Variants in NCKAP5 observed in about 807,000 individuals in gnomAD.
NCKAP5 encodes the protein nck-associated protein 5.
In NCKAP5, 92 loss-of-function variants were observed where a neutral mutation model predicts 167.0. That is an observed-to-expected ratio of 0.55 (90% CI 0.47 to 0.66). The LOEUF is 0.66. Ranked by LOEUF, NCKAP5 falls within the 30% of genes least tolerant of loss-of-function variation. The pLI is 0.00. For synonymous variants in NCKAP5, 891 were observed against 877.4 expected, an observed-to-expected ratio of 1.02 and a Z score of -0.27; for missense variants, 2,378 against 2,315.0, an observed-to-expected ratio of 1.03 and a Z score of -0.56.
At chr2:132,947,380 A>G (rs537306240) in intron 8 of NCKAP5, among the ~76,000 whole-genome samples, 6 of 152,318 alleles carry the variant, frequency 3.9e-5, no homozygotes, top group South Asian at 2.1e-4. Flanking sequence ...GAAACTAGCA[A>G]TAAAGTAAAA....
intron 2 of NCKAP5, among the ~76,000 whole-genome samples, chr2:133,541,351 C>G (rs1260155018): frequency 6.6e-6 from 1 of 151,926 alleles, no homozygotes; most frequent in Non-Finnish European, 1.5e-5. Flanking sequence ...AAGTTGGGAA[C>G]TACATAAATG....
chr2:133,022,735 C>T lies in NCKAP5; in HGVS notation c.342-28496G>A, dbSNP rs956128429. On this transcript the variant is annotated intron_variant, in intron 6 of 19. Coordinates refer to ENST00000409261, the MANE Select transcript of NCKAP5 (RefSeq NM_207363.3). ...AGATCTCACTGGGTTTGGGGATATT[C>T]ACTTTTCCTTCCTTTGATGCCCTAT... 2.6e-5 allele frequency among the ~76,000 whole-genome samples: 4 copies of T among 152,182 alleles called. No homozygotes were observed. The East Asian group carries it at 7.7e-4, about 29-fold the overall frequency.
chr2:133,048,011 G>A (rs2079461543), intron 6 of NCKAP5, among the ~76,000 whole-genome samples: 1 of 152,172 alleles, frequency 6.6e-6, no homozygotes, highest in African/African-American at 2.4e-5. Flanking sequence ...TAAAACTGAG[G>A]TCTTAGAATC....
At chr2:133,228,115 C>A (rs2150235605) in intron 4 of NCKAP5, among the ~76,000 whole-genome samples, 1 of 152,216 alleles carries the variant, frequency 6.6e-6, no homozygotes, top group Admixed American at 6.5e-5. Context: ...CTGAAGTGAC[C>A]AGCTTTGACC....
intron 2 of NCKAP5, among the ~76,000 whole-genome samples, chr2:133,525,864 C>A (rs1684828076): frequency 6.6e-6 from 1 of 152,086 alleles, no homozygotes; most frequent in African/African-American, 2.4e-5. Context: ...CATTCTCCAA[C>A]TGCCACTTAC....
the NCKAP5 span, among the ~76,000 whole-genome samples, chr2:133,643,372 A>G: frequency 1.3e-5 from 2 of 152,100 alleles, no homozygotes; most frequent in East Asian, 3.9e-4. Flanking sequence ...AGCCCACCCC[A>G]CAACTCTTCT....
chr2:133,506,307 G>T (rs548484939), intron 3 of NCKAP5, among the ~76,000 whole-genome samples: 4 of 152,160 alleles, frequency 2.6e-5, no homozygotes, highest in Admixed American at 2.6e-4. Flanking sequence ...ATTAAAAATG[G>T]GCTAGTGTTT....
intron 11 of NCKAP5, among the ~76,000 whole-genome samples, chr2:132,844,551 C>G (rs555548210): frequency 8.5e-5 from 13 of 152,200 alleles, no homozygotes; most frequent in Admixed American, 3.3e-4. Context: ...ATCACATAAC[C>G]TGTATTGCTT....
At chr2:133,025,809 G>T (rs1303452859) in intron 6 of NCKAP5, among the ~76,000 whole-genome samples, 2 of 152,090 alleles carry the variant, frequency 1.3e-5, no homozygotes, top group East Asian at 1.9e-4. Flanking sequence ...GCCCAGAAAG[G>T]GTAGAACATA....
the NCKAP5 span, among the ~76,000 whole-genome samples, chr2:133,619,176 G>A: frequency 9.1e-6 from 1 of 110,228 alleles, no homozygotes; most frequent in African/African-American, 3.4e-5. Flanking sequence ...GAGGGGGGAG[G>A]GATAGCATTG....
At chr2:132,928,684 A>G (rs930189202) in intron 8 of NCKAP5, among the ~76,000 whole-genome samples, 2 of 152,206 alleles carry the variant, frequency 1.3e-5, no homozygotes, top group African/African-American at 2.4e-5. Flanking sequence ...CTTATACACG[A>G]ATTTGAACAT....
At chr2:133,328,751 A>G (rs1357195406) in intron 3 of NCKAP5, among the ~76,000 whole-genome samples, 4 of 152,220 alleles carry the variant, frequency 2.6e-5, no homozygotes, top group Non-Finnish European at 5.9e-5. Flanking sequence ...ATATATAAAT[A>G]TTATTCAAAG....
At chr2:132,872,364 A>G (rs2148777962) in intron 9 of NCKAP5, among the ~76,000 whole-genome samples, 1 of 152,332 alleles carries the variant, frequency 6.6e-6, no homozygotes, top group Admixed American at 6.5e-5. Context: ...CTACTCACAC[A>G]AAACTTTGCT....
intron 19 of NCKAP5, among the ~76,000 whole-genome samples, chr2:132,689,600 G>A (rs897348443): frequency 2.0e-5 from 3 of 152,140 alleles, no homozygotes; most frequent in Non-Finnish European, 4.4e-5. Flanking sequence ...CACTTGTGCG[G>A]CAACCAACTC....
At position 133,099,772 on chromosome 2, in the gene NCKAP5, C is replaced by T. The variant is rs551158576; in HGVS notation, c.341+30206G>A. Among the ~76,000 whole-genome samples, 21 of 152,296 alleles carry T rather than the reference C, an allele frequency of 1.4e-4. No individual in the cohort carries two copies. The South Asian group carries it at 3.7e-3, about 27-fold the overall frequency. On this transcript the variant is annotated intron_variant, in intron 6 of 19. Transcript: ENST00000409261. ...TAACCATCCCTTTTTATTGTTACCC[C>T]ATCCTCTTTTCTTATTTAATTCACT...
At chr2:133,200,232 T>C (rs1402020666) in intron 5 of NCKAP5, among the ~76,000 whole-genome samples, 1 of 152,012 alleles carries the variant, frequency 6.6e-6, no homozygotes, top group Non-Finnish European at 1.5e-5. Flanking sequence ...GTTATTTGAT[T>C]ACTACAGTAA....
intron 8 of NCKAP5, among the ~76,000 whole-genome samples, chr2:132,920,587 C>G (rs915011996): frequency 2.7e-5 from 4 of 146,974 alleles, no homozygotes; most frequent in Non-Finnish European, 6.0e-5. Context: ...GTTGACTTTC[C>G]ATAGCATGAG....
At chr2:133,594,526 A>T in the NCKAP5 span, among the ~76,000 whole-genome samples, 321 of 152,248 alleles carry the variant, frequency 2.1e-3, 1 homozygote, top group African/African-American at 7.4e-3. Flanking sequence ...TAGGTATGCA[A>T]CACTTTTCTG....
intron 3 of NCKAP5, among the ~76,000 whole-genome samples, chr2:133,385,281 C>T (rs1447074349): frequency 2.0e-5 from 3 of 152,112 alleles, no homozygotes; most frequent in Admixed American, 6.5e-5. Context: ...TGTCAAAGGC[C>T]TTTTCTGCAT....
Sources: allele counts gnomAD v4.1 joint callset (sites outside exome capture counted in the v4.1 genomes callset), GRCh38; gene constraint gnomAD v4.1.1; transcripts MANE v1.5; gene names NCBI Gene and HGNC (gene_info 2026-07-23, HGNC 2026-07-21).